The following HELLS variants were observed in gnomAD, a reference collection of about 807,000 sequenced individuals.
HELLS encodes the protein lymphoid-specific helicase.
A neutral mutation model predicts 120.0 loss-of-function variants in HELLS; 32 were observed. The observed-to-expected ratio is 0.27, with a 90% CI of 0.20 to 0.36. HELLS has a LOEUF of 0.36. Among genes scored for constraint, HELLS ranks in the 10% least tolerant of loss-of-function variants. The probability of loss-of-function intolerance (pLI) is 1.00; values close to 1 mark genes in which losing one functional copy is unlikely to be tolerated. For missense variants in HELLS, 650 were observed against 993.4 expected, an observed-to-expected ratio of 0.65 and a Z score of 4.65; for synonymous variants, 341 against 323.4, an observed-to-expected ratio of 1.05 and a Z score of -0.58.
At chr10:94,562,429 A>G (rs554179819) in intron 4 of HELLS, among the ~76,000 whole-genome samples, 4 of 152,256 alleles carry the variant, frequency 2.6e-5, no homozygotes, top group East Asian at 3.9e-4. Flanking sequence ...CGAAATGCCA[A>G]CTATGTTTAA....
chr10:94,554,656 G>T (rs7905692), intron 3 of HELLS, among the ~76,000 whole-genome samples: 68,265 of 114,904 alleles, frequency 0.59, 18,489 homozygotes, highest in South Asian at 0.71. Flanking sequence ...TTTTTTTTTT[G>T]TTTTTTTTTT....
chr10:94,600,292 TAAA>T (rs34515684), intron 21 of HELLS, among the ~76,000 whole-genome samples: 1 of 139,874 alleles, frequency 7.1e-6, no homozygotes, highest in South Asian at 2.3e-4. Context: ...CTCTGTCTCT[TAAA>T]AAAAAAAAAA....
At chr10:94,598,330 G>A (rs760550143) in intron 21 of HELLS, among the ~76,000 whole-genome samples, 1 of 152,124 alleles carries the variant, frequency 6.6e-6, no homozygotes, top group Non-Finnish European at 1.5e-5. Flanking sequence ...GTCTTGCTTT[G>A]TATTCCTGGC....
chr10:94,570,445 C>T (rs752012839), intron 6 of HELLS: 17 of 152,018 alleles, frequency 1.1e-4, no homozygotes, highest in African/African-American at 2.4e-4. Flanking sequence ...CATACACACA[C>T]GATATACATA....
chr10:94,594,880 A>G, intron 19 of HELLS, 26 bp downstream of exon 19: 6 of 1,504,132 alleles, frequency 4.0e-6, no homozygotes, highest in Non-Finnish European at 4.6e-6. Context: ...GTAGTGCTTT[A>G]TTGTTTAAAT....
chr10:94,594,047 G>C (rs1422550180), intron 18 of HELLS, among the ~76,000 whole-genome samples: 3 of 149,924 alleles, frequency 2.0e-5, no homozygotes, highest in African/African-American at 7.4e-5. Context: ...GGGATTACCA[G>C]CATGAGCCAC....
At position 94,565,209 on chromosome 10, in the gene HELLS, C is replaced by T. The variant is rs950420255; in HGVS notation, c.435+2333C>T. Reference sequence around the variant, plus strand: ...AAAATTAGCTGGGAATGGTGGCTTGCGCCTGTAGTCCTAGCTACTCAGGAG... The same window carrying T: ...AAAATTAGCTGGGAATGGTGGCTTGTGCCTGTAGTCCTAGCTACTCAGGAG... On this transcript the variant is annotated intron_variant, in intron 6 of 21. Coordinates refer to ENST00000348459, the MANE Select transcript of HELLS (RefSeq NM_018063.5). Among the ~76,000 whole-genome samples the T allele has an allele frequency of 1.7e-4, 26 of 152,064 alleles. 1 individual carries two copies. The highest frequency in any genetic ancestry group is 1.2e-3 in the East Asian group (6 of 5,178).
At chr10:94,557,240 C>A in intron 3 of HELLS, 2 of 350,436 alleles carry the variant, frequency 5.7e-6, no homozygotes, top group Admixed American at 3.5e-5. Flanking sequence ...CCGGTGTCCC[C>A]ATCACCCACA....
intron 10 of HELLS, among the ~76,000 whole-genome samples, chr10:94,578,927 T>G (rs1844662823): frequency 6.6e-6 from 1 of 152,138 alleles, no homozygotes; most frequent in Non-Finnish European, 1.5e-5. Flanking sequence ...GGCCATAATG[T>G]GAGCAGTGGG....
intron 3 of HELLS, among the ~76,000 whole-genome samples, chr10:94,556,498 A>G (rs1430139580): frequency 6.6e-6 from 1 of 152,178 alleles, no homozygotes; most frequent in Non-Finnish European, 1.5e-5. Context: ...AAAATGTACA[A>G]TTCCCTAAGT....
At chr10:94,604,378 A>G (rs1166099782), downstream of HELLS, among the ~76,000 whole-genome samples, 1 of 151,786 alleles carries the variant, frequency 6.6e-6, no homozygotes, top group Non-Finnish European at 1.5e-5. Flanking sequence ...TCTGCCTCGG[A>G]CTAAGTGCTG....
At chr10:94,549,227 CCAAA>C (rs1267093310) in intron 2 of HELLS, among the ~76,000 whole-genome samples, 11 of 152,056 alleles carry the variant, frequency 7.2e-5, no homozygotes, top group African/African-American at 2.7e-4. Context: ...TCTTTGGAGG[CCAAA>C]CAATTAACTA....
chr10:94,585,957 T>C (rs1845121964), intron 12 of HELLS, among the ~76,000 whole-genome samples: 1 of 152,152 alleles, frequency 6.6e-6, no homozygotes, highest in African/African-American at 2.4e-5. Flanking sequence ...TATAAATACC[T>C]TTTTTATACA....
chr10:94,584,605 G>A (rs1845030141), intron 12 of HELLS, among the ~76,000 whole-genome samples: 1 of 152,160 alleles, frequency 6.6e-6, no homozygotes, highest in East Asian at 1.9e-4. Context: ...TTAGAGTCAA[G>A]ACAATGAATA....
intron 2 of HELLS, 118 bp from the exon 3 acceptor site, chr10:94,554,008 G>T: frequency 4.6e-6 from 4 of 862,152 alleles, no homozygotes; most frequent in Non-Finnish European, 7.0e-6. Flanking sequence ...CCAGTTTTTG[G>T]TTTGAAAGTG....
At chr10:94,562,259 C>T (rs1372680397) in intron 4 of HELLS, among the ~76,000 whole-genome samples, 5 of 151,938 alleles carry the variant, frequency 3.3e-5, no homozygotes, top group Non-Finnish European at 7.4e-5. Context: ...AAAAATTAGC[C>T]GGGCGTGGTG....
At chr10:94,590,876 T>C in intron 15 of HELLS, 100 bp downstream of exon 15, 1 of 626,858 alleles carries the variant, frequency 1.6e-6, no homozygotes, top group Admixed American at 3.8e-5. Context: ...AAAATAAGTA[T>C]GGTGCTATTT....
intron 12 of HELLS, among the ~76,000 whole-genome samples, chr10:94,586,848 C>T (rs1016734174): frequency 8.5e-5 from 13 of 152,120 alleles, no homozygotes; most frequent in African/African-American, 2.4e-4. Flanking sequence ...CCCGCCACCA[C>T]GCCTGACTAA....
At chr10:94,552,362 C>CTG (rs1843025763) in intron 2 of HELLS, among the ~76,000 whole-genome samples, 1 of 152,162 alleles carries the variant, frequency 6.6e-6, no homozygotes, top group Non-Finnish European at 1.5e-5. Flanking sequence ...TTGCTTAAAG[C>CTG]AGGAACTTCT....
Sources: gnomAD v4.1 joint callset for allele counts (sites outside exome capture counted in the v4.1 genomes callset) on GRCh38, gnomAD v4.1.1 for gene constraint, MANE v1.5 for transcripts, NCBI Gene and HGNC (gene_info 2026-07-23, HGNC 2026-07-21) for gene names.